Variants in NCL observed in about 807,000 individuals in gnomAD.
NCL encodes nucleolin multifunctional protein.
In NCL, 4 loss-of-function variants were observed where a neutral mutation model predicts 77.7. The ratio of observed to expected loss-of-function variants is 0.05; its 90% confidence interval spans 0.03 to 0.12. The LOEUF is 0.12. NCL is among the 10% of genes least tolerant of loss of function. NCL has a pLI of 1.00. For missense variants in NCL, 763 were observed against 860.9 expected, an observed-to-expected ratio of 0.89 and a Z score of 1.42; for synonymous variants, 344 against 297.8, an observed-to-expected ratio of 1.16 and a Z score of -1.60.
chr2:231,456,991 A>G lies in NCL; in HGVS notation c.1571+10T>C. On this transcript the variant is annotated intron_variant, in intron 10 of 13. Coordinates refer to ENST00000322723, the MANE Select transcript of NCL (RefSeq NM_005381.3). ...AGCCTATAACTGATGATACAAAGGT[A>G]TTATCTTACCCTTTAGATTTGCCAT... is the stretch of plus-strand genomic sequence containing the variant. 6.2e-7 allele frequency: 1 copy of G among 1,613,706 alleles called. No individual in the cohort carries two copies. Among genetic ancestry groups the G allele is most frequent in the South Asian group, 1.1e-5 (1 of 91,034 alleles).
At position 231,461,631 on chromosome 2, in the gene NCL, C is replaced by T. The variant is rs373538733; in HGVS notation, c.522G>A (p.Ala174=). Reference sequence around the variant, plus strand: ...CAGGGGCAGCAGCTGCTGCTTTCATCGCTGCTGGTTCAATTTCATCTTCAT... The same window carrying T: ...CAGGGGCAGCAGCTGCTGCTTTCATTGCTGCTGGTTCAATTTCATCTTCAT... ...DEDEDEIEPA[A]MKAAAAAPAS... The change falls in exon 3 of 14, where the codon GCG becomes GCA. Residue 174 remains alanine, a synonymous_variant. Transcript: ENST00000322723. 159 of 1,603,594 alleles carry T rather than the reference C, an allele frequency of 9.9e-5. 1 individual carries two copies. The highest frequency in any genetic ancestry group is 8.7e-4 in the African/African-American group (65 of 74,804).
chr2:231,458,888 G>A (rs781086666), intron 7 of NCL, 113 bp downstream of exon 7: 29 of 1,219,764 alleles, frequency 2.4e-5, no homozygotes, highest in Non-Finnish European at 3.1e-5. Context: ...GAAACCAAAG[G>A]AAAAAAATGA....
chr2:231,455,338 G>C, intron 13 of NCL, 63 bp downstream of exon 13: 2 of 1,613,138 alleles, frequency 1.2e-6, no homozygotes, highest in Non-Finnish European at 1.7e-6. Context: ...ATTAGGAACC[G>C]TGACAGGGCA....
At chr2:231,458,429 A>C (rs1183693572) in intron 7 of NCL, 40 bp from the exon 8 acceptor site, 10 of 1,601,478 alleles carry the variant, frequency 6.2e-6, no homozygotes, top group Non-Finnish European at 7.7e-6. Context: ...TGGCCTGAAA[A>C]ACCAAAGGTG....
At chr2:231,457,493 T>C in intron 9 of NCL, 150 bp downstream of exon 9, 2 of 853,632 alleles carry the variant, frequency 2.3e-6, no homozygotes, top group South Asian at 3.1e-5. Context: ...CTATTCCAAA[T>C]AAGAGTATGA....
Position 231,464,287 on chromosome 2 carries a change from C to A in NCL, c.18+49G>T, listed in dbSNP as rs778614920. On this transcript the variant is annotated intron_variant, in intron 1 of 13. Transcript: ENST00000322723. The stretch of plus-strand genomic sequence containing the variant: ...TCCTCCCCGCGGCGCCGCGCTCGCC[C>A]CTCGGAAAGCAGGCCTACACGTCTG... 3.2e-6 allele frequency: 5 copies of A among 1,555,330 alleles called. No individual in the cohort carries two copies. In the Admixed American group the frequency reaches 7.5e-5, roughly 23 times the overall value.
At chr2:231,461,437 T>C in intron 3 of NCL, 103 bp downstream of exon 3, 1 of 1,515,386 alleles carries the variant, frequency 6.6e-7, no homozygotes, top group South Asian at 1.3e-5. Flanking sequence ...CCCACAAGGA[T>C]TCTAATCTCA....
intron 1 of NCL, chr2:231,463,623 C>T (rs937675427): frequency 5.0e-5 from 17 of 341,042 alleles, no homozygotes; most frequent in Middle Eastern, 8.4e-4. Context: ...ACTACAAATC[C>T]CGGTACTTTA....
chr2:231,462,044 G>C (rs999472159), intron 2 of NCL, 27 bp from the exon 3 acceptor site: 2 of 1,611,158 alleles, frequency 1.2e-6, no homozygotes, highest in Admixed American at 3.3e-5. Context: ...AACCAAACCA[G>C]TAAGTCCAGC....
intron 7 of NCL, 103 bp downstream of exon 7, chr2:231,458,898 A>T (rs2046919601): frequency 1.6e-6 from 2 of 1,279,826 alleles, no homozygotes; most frequent in South Asian, 3.8e-5. Context: ...GAAAAAAATG[A>T]TTTAAAAAAA....
chr2:231,464,113 C>A, intron 1 of NCL: 1 of 1,376,292 alleles, frequency 7.3e-7, no homozygotes, highest in Non-Finnish European at 9.5e-7. Flanking sequence ...GTGACTCTGT[C>A]TTTCCCGCCG....
intron 3 of NCL, 50 bp from the exon 4 acceptor site, chr2:231,460,916 C>G (rs750463549): frequency 5.0e-6 from 7 of 1,399,044 alleles, no homozygotes; most frequent in African/African-American, 4.3e-5. Flanking sequence ...AAACCAACAT[C>G]GGTTTTCAAA....
chr2:231,456,198 C>G (rs2046886218), intron 11 of NCL, 62 bp from the exon 12 acceptor site: 2 of 1,601,750 alleles, frequency 1.2e-6, no homozygotes, highest in South Asian at 1.1e-5. Flanking sequence ...TGAATTTGCA[C>G]AATGCCTAGT....
At position 231,456,893 on chromosome 2, in the gene NCL, G is replaced by A. The variant is rs1402446719; in HGVS notation, c.1571+108C>T. 13 of 1,554,012 alleles carry A rather than the reference G, an allele frequency of 8.4e-6. No individual in the cohort carries two copies. The Admixed American group carries it at 1.1e-4, about 14-fold the overall frequency. ...TGATCTTTATTTTACACTCATTTACGTAGCTAAAATTATTTGGCTTTTCTG... is the reference window on the plus strand; with the variant it reads ...TGATCTTTATTTTACACTCATTTACATAGCTAAAATTATTTGGCTTTTCTG... On this transcript the variant is annotated intron_variant, in intron 10 of 13. Coordinates refer to ENST00000322723, the MANE Select transcript of NCL (RefSeq NM_005381.3).
At chr2:231,459,197 GACA>G in intron 6 of NCL, 72 bp from the exon 7 acceptor site, 4 of 1,406,168 alleles carry the variant, frequency 2.8e-6, no homozygotes, top group Non-Finnish European at 3.8e-6. Flanking sequence ...ATGTATTCTA[GACA>G]AATGTGATGG....
At position 231,461,478 on chromosome 2, in the gene NCL, A is replaced by T. The variant is rs899387186; in HGVS notation, c.613+62T>A. Reference sequence around the variant, plus strand: ...AGGTTGTCGTGGAAGGAATATGTTGATCCCAGAATCTCAAGATACCTTGTA... The same window carrying T: ...AGGTTGTCGTGGAAGGAATATGTTGTTCCCAGAATCTCAAGATACCTTGTA... On this transcript the variant is annotated intron_variant, in intron 3 of 13. Transcript: ENST00000322723. 4.3e-5 allele frequency: 67 copies of T among 1,571,656 alleles called. 1 individual carries two copies. In the African/African-American group the frequency reaches 8.8e-4, roughly 21 times the overall value.
chr2:231,460,157 C>T lies in NCL; in HGVS notation c.1035G>A (p.Met345Ile). 6.2e-7 allele frequency: 1 copy of T among 1,612,454 alleles called. No homozygotes were observed. The highest frequency in any genetic ancestry group is 1.3e-5 in the African/African-American group (1 of 74,976). Reference sequence around the variant, plus strand: ...ACGTGCAGTGAAGCACTTACCTAGTCATACCAATTCTGACATCCACAACAG... The same window carrying T: ...ACGTGCAGTGAAGCACTTACCTAGTTATACCAATTCTGACATCCACAACAG... ...DLAVVDVRIGMTRKFGYVDFE... is the reference protein window; with the variant it reads ...DLAVVDVRIGITRKFGYVDFE... The change falls in exon 6 of 14, where the codon ATG (methionine) becomes ATA (isoleucine). Residue 345 changes from methionine to isoleucine, a missense_variant. Met to Ile is a conservative substitution (Grantham distance 10). Around this residue, in one of 2 missense-constraint regions of NCL, gnomAD observed 590 missense variants for 570.5 expected, o/e 1.03. Coordinates refer to ENST00000322723, the MANE Select transcript of NCL (RefSeq NM_005381.3).
Position 231,461,805 on chromosome 2 carries a change from TTTGCCTGGTGTGGCTCCCTTC to T in NCL, c.327_347del (p.Lys110_Lys116del). 6.2e-7 allele frequency: 1 copy of T among 1,614,216 alleles called. No homozygotes were observed. Among genetic ancestry groups the T allele is most frequent in the Non-Finnish European group, 8.5e-7 (1 of 1,180,020 alleles). On this transcript the variant is annotated inframe_deletion, in exon 3 of 14. Coordinates refer to ENST00000322723, the MANE Select transcript of NCL (RefSeq NM_005381.3). ...TCTTACCAGGAGTTGCTACCAATGC[TTTGCCTGGTGTGGCTCCCTTC>T]TTGCCAGGTGTGGTAACTGCTTTGG... is the stretch of plus-strand genomic sequence containing the variant.
At chr2:231,455,800 G>T in intron 12 of NCL, 176 bp from the exon 13 acceptor site, 1 of 1,136,734 alleles carries the variant, frequency 8.8e-7, no homozygotes, top group Non-Finnish European at 1.3e-6. Context: ...TTGAACCCCA[G>T]AATGTCTCAC....
Sources: allele counts gnomAD v4.1 joint callset, GRCh38; gene constraint gnomAD v4.1.1; regional missense constraint gnomAD v4.1.1; transcripts MANE v1.5; gene names NCBI Gene and HGNC (gene_info 2026-07-23, HGNC 2026-07-21).